The following DPYSL3 variants were observed in gnomAD, a reference collection of about 807,000 sequenced individuals.
The protein encoded by DPYSL3 is dihydropyrimidinase-related protein 3.
In DPYSL3, 16 loss-of-function variants were observed where a neutral mutation model predicts 66.1. The ratio of observed to expected loss-of-function variants is 0.24; its 90% CI spans 0.16 to 0.37. The LOEUF is 0.37. DPYSL3 is among the 10% of genes least tolerant of loss of function. The pLI is 1.00. For synonymous variants in DPYSL3, 338 were observed against 345.1 expected, an observed-to-expected ratio of 0.98 and a Z score of 0.23; for missense variants, 738 against 916.2, an observed-to-expected ratio of 0.81 and a Z score of 2.51.
Position 147,424,568 on chromosome 5 carries a change from T to C in DPYSL3, c.470+307A>G, listed in dbSNP as rs555080584. On this transcript the variant is annotated intron_variant, in intron 2 of 13. Coordinates refer to ENST00000343218, the MANE Select transcript of DPYSL3 (RefSeq NM_001197294.2). ...TAAATAAATTTCTTCTTCTTTGTAC[T>C]TCTAAATCACTTATCCCGACTTCAA... Among the ~76,000 whole-genome samples the C allele has an allele frequency of 5.3e-4, 80 of 152,334 alleles. 2 individuals carry two copies. Among genetic ancestry groups the C allele is most frequent in the Admixed American group, 1.4e-3 (22 of 15,304 alleles).
In DPYSL3 at chr5:147,408,768, A is replaced by G; in HGVS notation, c.992T>C (p.Ile331Thr). 1 of 1,614,204 alleles carries G rather than the reference A, an allele frequency of 6.2e-7. No homozygotes were observed. Among genetic ancestry groups the G allele is most frequent in the Non-Finnish European group, 8.5e-7 (1 of 1,180,030 alleles). ...QEQTRMLEMGITGPEGHVLSR... is the reference protein window; with the variant it reads ...QEQTRMLEMGTTGPEGHVLSR... ...CAGTACATGGCCTTCTGGGCCAGTT[A>G]TCCCCATTTCCAACATGCGGGTTTG... The change falls in exon 7 of 14, where the codon ATA becomes ACA. Residue 331 changes from isoleucine to threonine, a missense_variant. By Grantham distance (89) the Ile-to-Thr change is moderately conservative. Transcript: ENST00000343218.
chr5:147,498,363 T>C (rs1004483556), intron 1 of DPYSL3, among the ~76,000 whole-genome samples: 3 of 152,156 alleles, frequency 2.0e-5, no homozygotes, highest in Admixed American at 6.5e-5. Flanking sequence ...GTTGATTCCA[T>C]GTCATTGCTA....
chr5:147,435,625 A>G (rs1448058658), intron 1 of DPYSL3, among the ~76,000 whole-genome samples: 4 of 152,146 alleles, frequency 2.6e-5, no homozygotes, highest in Admixed American at 6.6e-5. Flanking sequence ...TCAAAAAATA[A>G]GTAAAATAGT....
intron 1 of DPYSL3, among the ~76,000 whole-genome samples, chr5:147,447,002 A>T (rs1187579183): frequency 6.6e-6 from 1 of 152,204 alleles, no homozygotes; most frequent in Non-Finnish European, 1.5e-5. Flanking sequence ...CTTTGCAGGG[A>T]TCAATCCCAG....
intron 2 of DPYSL3, among the ~76,000 whole-genome samples, chr5:147,423,129 A>G (rs1752117587): frequency 6.6e-6 from 1 of 152,196 alleles, no homozygotes; most frequent in Non-Finnish European, 1.5e-5. Flanking sequence ...CTCTGAATAG[A>G]GCCAACTATA....
At chr5:147,407,152 T>C (rs1758345255) in intron 7 of DPYSL3, among the ~76,000 whole-genome samples, 3 of 152,110 alleles carry the variant, frequency 2.0e-5, no homozygotes, top group Non-Finnish European at 4.4e-5. Context: ...TTCACACCCA[T>C]GCTGACCACT....
intron 1 of DPYSL3, among the ~76,000 whole-genome samples, chr5:147,466,725 TGC>T (rs1452468049): frequency 6.6e-6 from 1 of 152,206 alleles, no homozygotes; most frequent in Admixed American, 6.5e-5. Flanking sequence ...CTTTGTATTT[TGC>T]AGGCTTCCCC....
chr5:147,493,602 GAAAT>G (rs992976560), intron 1 of DPYSL3, among the ~76,000 whole-genome samples: 14 of 151,432 alleles, frequency 9.2e-5, no homozygotes, highest in Admixed American at 2.6e-4. Context: ...AAGGAAGAAA[GAAAT>G]AAAGAAAGAA....
chr5:147,398,849 G>C (rs1758076810), intron 11 of DPYSL3, among the ~76,000 whole-genome samples: 1 of 152,186 alleles, frequency 6.6e-6, no homozygotes, highest in South Asian at 2.1e-4. Flanking sequence ...ATGTAGAGAG[G>C]AAGCCTCTAT....
chr5:147,477,471 T>C (rs192687174), intron 1 of DPYSL3, among the ~76,000 whole-genome samples: 86 of 151,186 alleles, frequency 5.7e-4, no homozygotes, highest in African/African-American at 1.8e-3. Context: ...AATTTATGGC[T>C]GTGATATTTC....
rs572803313 is a variant in DPYSL3 at position 147,475,836 on chromosome 5, G to T, written c.381+33642C>A. On this transcript the variant is annotated intron_variant, in intron 1 of 13. Coordinates refer to ENST00000343218, the MANE Select transcript of DPYSL3 (RefSeq NM_001197294.2). ...CAGACAGTTATCCTGAAAAACACCC[G>T]AAGTTAATTTATTTGGATTAAGATC... is the stretch of plus-strand genomic sequence containing the variant. Among the ~76,000 whole-genome samples the T allele has an allele frequency of 2.0e-5, 3 of 152,030 alleles. No individual in the cohort carries two copies. The East Asian group carries it at 5.8e-4, about 29-fold the overall frequency.
rs1434534045 is a variant in DPYSL3, at chr5:147,397,809, G to A, written c.1660C>T (p.Arg554Cys). 2.1e-5 allele frequency: 34 copies of A among 1,613,574 alleles called. No homozygotes were observed. The highest frequency in any genetic ancestry group is 2.8e-5 in the Non-Finnish European group (33 of 1,179,944). Residue 554 changes from arginine to cysteine, a missense_variant, in exon 12 of 14, where the codon CGC becomes TGC. Transcript: ENST00000343218. Reference sequence around the variant, plus strand: ...CAGATGACAACCAGAGGAGCCCCGCGCAGCTCCATCCCTTCAAAGATGTTG... The same window carrying A: ...CAGATGACAACCAGAGGAGCCCCGCACAGCTCCATCCCTTCAAAGATGTTG... ...EYNIFEGMEL[R>C]GAPLVVICQG...
intron 1 of DPYSL3, among the ~76,000 whole-genome samples, chr5:147,440,800 G>T (rs184203876): frequency 2.0e-5 from 3 of 152,284 alleles, no homozygotes; most frequent in Non-Finnish European, 4.4e-5. Flanking sequence ...GATAAGTAAT[G>T]TTTCCTAAGC....
intron 1 of DPYSL3, among the ~76,000 whole-genome samples, chr5:147,499,173 AG>A (rs1271606809): frequency 3.9e-5 from 6 of 152,210 alleles, no homozygotes; most frequent in African/African-American, 7.2e-5. Flanking sequence ...AGGAAATAAA[AG>A]TTATACAGAT....
At chr5:147,492,811 C>T (rs1054761961) in intron 1 of DPYSL3, among the ~76,000 whole-genome samples, 59 of 152,192 alleles carry the variant, frequency 3.9e-4, no homozygotes, top group African/African-American at 1.2e-3. Flanking sequence ...TCAACAAATA[C>T]GGTATATATC....
intron 1 of DPYSL3, among the ~76,000 whole-genome samples, chr5:147,475,417 A>G (rs1479714655): frequency 6.6e-6 from 1 of 152,108 alleles, no homozygotes; most frequent in East Asian, 1.9e-4. Flanking sequence ...AAATAATAGC[A>G]CTTCAAAAGC....
At chr5:147,421,094 A>G (rs1210880610) in intron 2 of DPYSL3, among the ~76,000 whole-genome samples, 3 of 152,240 alleles carry the variant, frequency 2.0e-5, no homozygotes, top group Admixed American at 2.0e-4. Context: ...TGCAGATGAC[A>G]TAATTGTATA....
chr5:147,456,521 T>C (rs1011743159), intron 1 of DPYSL3, among the ~76,000 whole-genome samples: 1 of 151,686 alleles, frequency 6.6e-6, no homozygotes, highest in Non-Finnish European at 1.5e-5. Context: ...CCTTGATTTC[T>C]CTCCTTCAAT....
Position 147,412,525 on chromosome 5 carries a change from G to A in DPYSL3, c.963+83C>T, listed in dbSNP as rs1445655814. On this transcript the variant is annotated intron_variant, in intron 6 of 13. Coordinates refer to ENST00000343218, the MANE Select transcript of DPYSL3 (RefSeq NM_001197294.2). ...CTTATGATGGTGCCTTGCACATATTGAGAGCTCAAGCAGCACTGAAGAAAT... is the reference window on the plus strand; with the variant it reads ...CTTATGATGGTGCCTTGCACATATTAAGAGCTCAAGCAGCACTGAAGAAAT... 3 of 1,369,812 alleles carry A rather than the reference G, an allele frequency of 2.2e-6. No individual in the cohort carries two copies. The Admixed American group carries it at 5.7e-5, about 26-fold the overall frequency. The allele number at this position is 1,369,812 out of a possible 1,614,324, so 84.9% of individuals were successfully genotyped here.
Sources: gnomAD v4.1 joint callset for allele counts (sites outside exome capture counted in the v4.1 genomes callset) on GRCh38, gnomAD v4.1.1 for gene constraint, MANE v1.5 for transcripts, NCBI Gene and HGNC (gene_info 2026-07-23, HGNC 2026-07-21) for gene names.